ZFHX3: variants seen among roughly 807,000 people sequenced by gnomAD.
ZFHX3 encodes the protein zinc finger homeobox protein 3.
In ZFHX3, 42 loss-of-function variants were observed where a neutral mutation model predicts 279.1. The observed-to-expected ratio is 0.15, with a 90% CI of 0.12 to 0.19. The LOEUF is 0.19. Ranked by LOEUF, ZFHX3 falls within the 10% of genes least tolerant of loss-of-function variation. The pLI, the probability that ZFHX3 is intolerant of heterozygous loss-of-function variation, is 1.00. For missense variants in ZFHX3, 4,981 were observed against 4,754.0 expected (o/e 1.05, Z -1.40); for synonymous variants, 2,293 against 1,957.8 (o/e 1.17, Z -4.52).
chr16:73,023,337 T>C (rs749069073), intron 1 of ZFHX3, among the ~76,000 whole-genome samples: 13 of 152,156 alleles, frequency 8.5e-5, no homozygotes, highest in Non-Finnish European at 1.9e-4. Flanking sequence ...AGAGACTGCC[T>C]GGAGGTGGAA....
Position 73,241,519 on chromosome 16 carries a change from G to A in ZFHX3, c.-1104+15528C>T, listed in dbSNP as rs543939651. On this transcript the variant is annotated intron_variant, in intron 5 of 17. Coordinates refer to the ZFHX3 transcript ENST00000641206. ...AAAAGGAGGGTTGGGGGCCGGGCGC[G>A]GTGGCTCATGCCTGTAATCCCAGCA... 9.2e-5 allele frequency among the ~76,000 whole-genome samples: 14 copies of A among 151,414 alleles called. No homozygotes were observed. The East Asian group carries it at 1.4e-3, about 15-fold the overall frequency.
At chr16:73,491,518 T>C (rs1043245460) in intron 2 of ZFHX3, among the ~76,000 whole-genome samples, 1 of 152,206 alleles carries the variant, frequency 6.6e-6, no homozygotes, top group African/African-American at 2.4e-5. Flanking sequence ...TGCTAAACCA[T>C]TCAGAAATCC....
chr16:73,592,283 C>A (rs964708433), intron 2 of ZFHX3, among the ~76,000 whole-genome samples: 1 of 152,034 alleles, frequency 6.6e-6, no homozygotes, highest in Admixed American at 6.6e-5. Flanking sequence ...AGAAGTTCTT[C>A]GCTTTTGCAG....
chr16:73,410,635 C>T (rs986912931), intron 3 of ZFHX3, among the ~76,000 whole-genome samples: 2 of 152,104 alleles, frequency 1.3e-5, no homozygotes, highest in African/African-American at 4.8e-5. Context: ...TTTGTAGCCA[C>T]AGCCCAGATG....
intron 1 of ZFHX3, among the ~76,000 whole-genome samples, chr16:73,890,993 C>A (rs889577243): frequency 1.3e-5 from 2 of 151,668 alleles, no homozygotes; most frequent in African/African-American, 4.9e-5. Flanking sequence ...GTCTGTCTTG[C>A]TGGCTTCCCC....
chr16:73,111,660 AAGG>A (rs1242962288), intron 7 of ZFHX3, among the ~76,000 whole-genome samples: 1 of 67,704 alleles, frequency 1.5e-5, no homozygotes, highest in Non-Finnish European at 3.1e-5. Flanking sequence ...GGAAGGAAGG[AAGG>A]AGAGAGCGAA....
At chr16:72,978,295 T>A (rs1480541742) in intron 1 of ZFHX3, among the ~76,000 whole-genome samples, 1 of 152,198 alleles carries the variant, frequency 6.6e-6, no homozygotes, top group East Asian at 1.9e-4. Context: ...TTATTTCCTA[T>A]TACCCTCTCA....
intron 1 of ZFHX3, among the ~76,000 whole-genome samples, chr16:73,716,612 AACACACACACACACACACAC>A (rs144449904): frequency 3.2e-5 from 1 of 31,694 alleles, no homozygotes; most frequent in Non-Finnish European, 1.5e-4. Context: ...TCTTACTCTG[AACACACACACACACACACAC>A]ACACACACAC....
intron 3 of ZFHX3, among the ~76,000 whole-genome samples, chr16:73,429,737 C>T (rs2017879377): frequency 6.6e-6 from 1 of 152,090 alleles, no homozygotes; most frequent in Non-Finnish European, 1.5e-5. Flanking sequence ...ATATGTCGAC[C>T]CATAGGCCCC....
At chr16:73,466,958 A>ATT (rs138798415) in intron 2 of ZFHX3, among the ~76,000 whole-genome samples, 3 of 151,966 alleles carry the variant, frequency 2.0e-5, no homozygotes, top group African/African-American at 7.3e-5. Flanking sequence ...AGGCGAACTG[A>ATT]TTTTTTTAGG....
At chr16:73,712,373 G>C (rs982549218) in intron 1 of ZFHX3, among the ~76,000 whole-genome samples, 2 of 152,156 alleles carry the variant, frequency 1.3e-5, no homozygotes, top group African/African-American at 4.8e-5. Context: ...TCCTCAGTGG[G>C]TTATCAGGGA....
chr16:72,910,908 T>G (rs17680397), intron 3 of ZFHX3, among the ~76,000 whole-genome samples: 26,188 of 152,162 alleles, frequency 0.17, 2,528 homozygotes, highest in Non-Finnish European at 0.22. Flanking sequence ...GTTACCCACT[T>G]CTGATACCTG....
rs79391881 is a variant in ZFHX3, at chr16:73,306,844, G to A, written c.-1194+11396C>T. Among the ~76,000 whole-genome samples the A allele has an allele frequency of 1.2e-3, 178 of 152,316 alleles. 4 individuals carry two copies. The East Asian group carries it at 0.032, about 27-fold the overall frequency. ...ATGTTCTACCCACAGCCAATGCTAC[G>A]TTATCATTTCTAGCCTCCTGGGGCA... On this transcript the variant is annotated intron_variant, in intron 4 of 17. Coordinates refer to the ZFHX3 transcript ENST00000641206.
intron 2 of ZFHX3, chr16:73,483,226 C>A (rs565393500): frequency 5.0e-5 from 18 of 359,690 alleles, no homozygotes; most frequent in Middle Eastern, 1.0e-3. Context: ...CAAGTGCCAG[C>A]GCACGCCTGG....
chr16:73,486,038 A>G (rs1479191945), intron 2 of ZFHX3, among the ~76,000 whole-genome samples: 1 of 152,212 alleles, frequency 6.6e-6, no homozygotes, highest in African/African-American at 2.4e-5. Context: ...TGAGCCATAA[A>G]CATATGTTGA....
intron 1 of ZFHX3, among the ~76,000 whole-genome samples, chr16:73,762,322 G>C (rs1272840431): frequency 1.3e-5 from 2 of 152,098 alleles, no homozygotes; most frequent in Non-Finnish European, 2.9e-5. Context: ...TTATTAAAAA[G>C]TCAAGAAACA....
chr16:73,643,884 T>G (rs945494448), intron 2 of ZFHX3, among the ~76,000 whole-genome samples: 9 of 152,202 alleles, frequency 5.9e-5, no homozygotes, highest in Non-Finnish European at 1.0e-4. Flanking sequence ...CTTCTCTCCT[T>G]GCTTGCATAT....
At chr16:73,430,902 CA>C (rs2017898286) in intron 3 of ZFHX3, among the ~76,000 whole-genome samples, 1 of 152,162 alleles carries the variant, frequency 6.6e-6, no homozygotes, top group African/African-American at 2.4e-5. Flanking sequence ...TTCCAGTGCC[CA>C]GCACATTGTT....
intron 4 of ZFHX3, among the ~76,000 whole-genome samples, chr16:72,878,080 G>C (rs1325409707): frequency 6.6e-6 from 1 of 152,104 alleles, no homozygotes; most frequent in Non-Finnish European, 1.5e-5. Context: ...CTACTTGGAA[G>C]ACTGAGGCAG....
Sources: allele counts gnomAD v4.1 joint callset (sites outside exome capture counted in the v4.1 genomes callset), GRCh38; gene constraint gnomAD v4.1.1; transcripts MANE v1.5; gene names NCBI Gene and HGNC (gene_info 2026-07-23, HGNC 2026-07-21).